The following REPS2 variants were observed in gnomAD, a reference collection of about 807,000 sequenced individuals.
REPS2 encodes the protein ralBP1-associated Eps domain-containing protein 2.
In REPS2, 23 loss-of-function variants were observed where a neutral mutation model predicts 53.6. That is an observed-to-expected ratio of 0.43 (90% CI 0.31 to 0.61). The LOEUF is 0.61. REPS2 is among the 20% of genes least tolerant of loss of function. The pLI is 0.11. For missense variants in REPS2, 446 were observed against 534.9 expected (o/e 0.83, Z 1.64); for synonymous variants, 238 against 218.6 (o/e 1.09, Z -0.78).
intron 1 of REPS2, among the ~76,000 whole-genome samples, chrX:16,981,432 A>C (rs1409210661): frequency 8.9e-6 from 1 of 112,629 alleles, no homozygotes; most frequent in East Asian, 2.8e-4. Flanking sequence ...TGGCAGAGTG[A>C]ATTTGCTGTG....
At chrX:17,182,132 C>CTCTGTCTG in the REPS2 span, among the ~76,000 whole-genome samples, 4 of 90,461 alleles carry the variant, frequency 4.4e-5, no homozygotes, top group East Asian at 1.5e-3. Flanking sequence ...ACCTAGTGTG[C>CTCTGTCTG]TCTATCTGTC....
downstream of REPS2, among the ~76,000 whole-genome samples, chrX:17,157,645 C>T (rs1262639974): frequency 8.9e-6 from 1 of 111,791 alleles, no homozygotes; most frequent in African/African-American, 3.3e-5. Context: ...TCCCCCACAA[C>T]AAAGAATGAT....
At chrX:17,123,739 C>T (rs938704482) in intron 14 of REPS2, among the ~76,000 whole-genome samples, 2 of 112,346 alleles carry the variant, frequency 1.8e-5, no homozygotes, top group Non-Finnish European at 3.8e-5. Flanking sequence ...TTTTCTCCCC[C>T]CAATATTAGT....
chrX:17,047,469 C>T lies in REPS2; in HGVS notation c.894C>T (p.Ser298=). 1.7e-6 allele frequency: 2 copies of T among 1,209,700 alleles called. No individual in the cohort carries two copies. Among genetic ancestry groups the T allele is most frequent in the Non-Finnish European group, 2.2e-6 (2 of 894,823 alleles). The change falls in exon 6 of 18, where the codon AGC becomes AGT. Residue 298 remains serine, a synonymous_variant. Coordinates refer to ENST00000357277, the MANE Select transcript of REPS2 (RefSeq NM_004726.3). ...NQFRSLQPDP[S]SFISGSVAKN... Reference sequence around the variant, plus strand: ...TCCGATCCCTTCAGCCAGACCCAAGCTCTTTCATTTCAGGTAAGAATGTGG... The same window carrying T: ...TCCGATCCCTTCAGCCAGACCCAAGTTCTTTCATTTCAGGTAAGAATGTGG...
At chrX:17,028,596 G>A (rs1171414884) in intron 4 of REPS2, among the ~76,000 whole-genome samples, 2 of 111,925 alleles carry the variant, frequency 1.8e-5, no homozygotes, top group East Asian at 5.6e-4. Flanking sequence ...GCAGATGTGA[G>A]CCCAAGAGTG....
At chrX:17,113,288 A>C (rs1027194512) in intron 14 of REPS2, among the ~76,000 whole-genome samples, 1 of 106,956 alleles carries the variant, frequency 9.3e-6, no homozygotes, top group Non-Finnish European at 1.9e-5. Flanking sequence ...AGACTGACCA[A>C]GAGTATAATT....
intron 1 of REPS2, 83 bp downstream of exon 1, chrX:16,947,217 G>GC: frequency 1.1e-6 from 1 of 936,855 alleles, no homozygotes; most frequent in Non-Finnish European, 1.3e-6. Context: ...CGACAGGGCT[G>GC]CCCCCAGGGA....
chrX:17,125,781 T>C (rs1286549382), intron 14 of REPS2, among the ~76,000 whole-genome samples: 1 of 112,624 alleles, frequency 8.9e-6, no homozygotes, highest in East Asian at 2.8e-4. Flanking sequence ...AGGGATTGTG[T>C]TGTGTGCCAT....
chrX:17,012,766 G>GT (rs888378102), intron 2 of REPS2, among the ~76,000 whole-genome samples: 9 of 111,198 alleles, frequency 8.1e-5, no homozygotes, highest in East Asian at 2.8e-4. Context: ...CTAAGATTGG[G>GT]TTTTTTTTGG....
chrX:16,947,215 C>CT, intron 1 of REPS2, 81 bp downstream of exon 1: 1 of 938,750 alleles, frequency 1.1e-6, no homozygotes, highest in Non-Finnish European at 1.3e-6. Context: ...GGCGACAGGG[C>CT]TGCCCCCAGG....
downstream of REPS2, among the ~76,000 whole-genome samples, chrX:17,154,342 G>A (rs901394679): frequency 3.6e-5 from 4 of 112,133 alleles, no homozygotes; most frequent in African/African-American, 9.7e-5. Flanking sequence ...TGTTCCTCCT[G>A]TTTAACTGCA....
the REPS2 span, among the ~76,000 whole-genome samples, chrX:17,177,439 G>A: frequency 4.5e-5 from 5 of 111,723 alleles, no homozygotes; most frequent in Admixed American, 9.5e-5. Context: ...TAGTGGGGAC[G>A]ACCTTGGTCT....
intron 5 of REPS2, among the ~76,000 whole-genome samples, chrX:17,046,698 C>T (rs2061913230): frequency 8.9e-6 from 1 of 112,061 alleles, no homozygotes; most frequent in African/African-American, 3.3e-5. Context: ...ACTTGCATGC[C>T]CTCTAGTGGC....
intron 5 of REPS2, among the ~76,000 whole-genome samples, chrX:17,039,332 C>T (rs781723306): frequency 8.9e-6 from 1 of 112,316 alleles, no homozygotes; most frequent in South Asian, 3.7e-4. Context: ...TTATGTTAAT[C>T]AAAATACTGT....
chrX:17,184,152 A>G, the REPS2 span, among the ~76,000 whole-genome samples: 1 of 106,356 alleles, frequency 9.4e-6, no homozygotes, highest in Non-Finnish European at 1.9e-5. Context: ...AGCATTAGGT[A>G]TATCTCCCAG....
At chrX:17,094,828 A>G (rs930279825) in intron 13 of REPS2, among the ~76,000 whole-genome samples, 1 of 111,305 alleles carries the variant, frequency 9.0e-6, no homozygotes, top group South Asian at 3.7e-4. Flanking sequence ...TTCTCAGTAG[A>G]ATATGAGCTT....
chrX:17,113,887 A>G (rs1569184093), intron 14 of REPS2, among the ~76,000 whole-genome samples: 1 of 112,272 alleles, frequency 8.9e-6, no homozygotes, highest in Non-Finnish European at 1.9e-5. Context: ...GAAAAGTTCT[A>G]TGATGACATT....
chrX:17,118,787 C>T (rs2091587451), intron 14 of REPS2, among the ~76,000 whole-genome samples: 1 of 112,199 alleles, frequency 8.9e-6, no homozygotes, highest in African/African-American at 3.2e-5. Context: ...GTGCCTTCCC[C>T]AGTGCAGACT....
At chrX:17,116,447 G>A (rs1373340171) in intron 14 of REPS2, among the ~76,000 whole-genome samples, 1 of 111,205 alleles carries the variant, frequency 9.0e-6, no homozygotes, top group African/African-American at 3.3e-5. Flanking sequence ...CTGGGCCCAA[G>A]CAGTCCTCCC....
Sources: allele counts gnomAD v4.1 joint callset (sites outside exome capture counted in the v4.1 genomes callset), GRCh38; gene constraint gnomAD v4.1.1; transcripts MANE v1.5; gene names NCBI Gene and HGNC (gene_info 2026-07-23, HGNC 2026-07-21).